The following TMEM232 variants were observed in gnomAD, a reference collection of about 807,000 sequenced individuals.
The protein encoded by TMEM232 is transmembrane protein 232.
In TMEM232, 80 loss-of-function variants were observed where a neutral mutation model predicts 78.8. That is an observed-to-expected ratio of 1.01 (90% CI 0.85 to 1.22). The LOEUF (loss-of-function observed/expected upper bound fraction) is 1.22. TMEM232 is among the 50% of genes most tolerant of loss of function. The pLI, the probability that TMEM232 is intolerant of heterozygous loss-of-function variation, is 0.00. For synonymous variants in TMEM232, 297 were observed against 254.3 expected (o/e 1.17, Z -1.60); for missense variants, 881 against 742.2 (o/e 1.19, Z -2.17).
At chr5:110,548,303 G>C (rs1055441464) in intron 11 of TMEM232, among the ~76,000 whole-genome samples, 1 of 149,610 alleles carries the variant, frequency 6.7e-6, no homozygotes, top group Admixed American at 6.7e-5. Context: ...ATGCTAAACA[G>C]AATTGCATAA....
At chr5:110,717,920 G>A (rs189336149) in intron 1 of TMEM232, among the ~76,000 whole-genome samples, 5 of 152,076 alleles carry the variant, frequency 3.3e-5, no homozygotes, top group Admixed American at 2.6e-4. Flanking sequence ...AAATTACCCA[G>A]TCTCAGGTAG....
At chr5:110,720,811 C>T (rs1293750252) in intron 1 of TMEM232, 1 of 151,992 alleles carries the variant, frequency 6.6e-6, no homozygotes, top group African/African-American at 2.4e-5. Context: ...ATTAATATAC[C>T]ACTCCACGTT....
chr5:110,456,001 T>C (rs1760857020), intron 12 of TMEM232, among the ~76,000 whole-genome samples: 1 of 152,234 alleles, frequency 6.6e-6, no homozygotes, highest in Admixed American at 6.5e-5. Context: ...TTCTACATAA[T>C]GATGAAAGCA....
intron 12 of TMEM232, among the ~76,000 whole-genome samples, chr5:110,495,648 G>C (rs759572988): frequency 6.6e-6 from 1 of 151,714 alleles, no homozygotes; most frequent in Non-Finnish European, 1.5e-5. Flanking sequence ...ACACATATTA[G>C]TATAACAATA....
chr5:110,615,731 A>C (rs1215981490), intron 8 of TMEM232, among the ~76,000 whole-genome samples: 1 of 151,860 alleles, frequency 6.6e-6, no homozygotes, highest in Non-Finnish European at 1.5e-5. Context: ...TATATAGAAA[A>C]CCCTAAAATG....
chr5:110,534,919 CA>C lies in TMEM232; in HGVS notation c.1456-6085del, dbSNP rs548254793. Among the ~76,000 whole-genome samples the C allele has an allele frequency of 9.1e-4, 138 of 152,206 alleles. 1 individual carries two copies. Among genetic ancestry groups the C allele is most frequent in the African/African-American group, 3.2e-3 (131 of 41,532 alleles). On this transcript the variant is annotated intron_variant, in intron 11 of 13. Transcript: ENST00000455884. ...TGACAAATATTTCTTCTAACAACCC[CA>C]CAATATCACCCCTTACCACAAAATC...
At chr5:110,650,255 C>A (rs950449695) in intron 2 of TMEM232, among the ~76,000 whole-genome samples, 1 of 151,944 alleles carries the variant, frequency 6.6e-6, no homozygotes, top group Non-Finnish European at 1.5e-5. Flanking sequence ...TTCCCTCTCT[C>A]CAATAGTATA....
intron 11 of TMEM232, among the ~76,000 whole-genome samples, chr5:110,545,415 T>C (rs1406385135): frequency 6.6e-6 from 1 of 152,048 alleles, no homozygotes; most frequent in Non-Finnish European, 1.5e-5. Flanking sequence ...TTTGTGTTTA[T>C]TATTTTGTTA....
intron 12 of TMEM232, among the ~76,000 whole-genome samples, chr5:110,459,341 G>A (rs1049734498): frequency 4.6e-5 from 7 of 151,994 alleles, no homozygotes; most frequent in Admixed American, 1.3e-4. Context: ...AATGTCAAAA[G>A]TCTCACAAAA....
At chr5:110,529,566 A>G (rs1434811695) in intron 11 of TMEM232, among the ~76,000 whole-genome samples, 1 of 152,142 alleles carries the variant, frequency 6.6e-6, no homozygotes, top group Non-Finnish European at 1.5e-5. Context: ...ATTTTTATAG[A>G]GCAAAAATTT....
chr5:110,482,189 A>G (rs967180749), intron 12 of TMEM232, among the ~76,000 whole-genome samples: 7 of 152,132 alleles, frequency 4.6e-5, no homozygotes, highest in African/African-American at 1.4e-4. Context: ...TAAAGCTCCA[A>G]TTAGAGACAT....
intron 12 of TMEM232, among the ~76,000 whole-genome samples, chr5:110,524,333 GAGAAAAAGAA>G (rs1770078016): frequency 8.7e-6 from 1 of 115,020 alleles, no homozygotes; most frequent in South Asian, 2.7e-4. Context: ...GGAAGGGAGA[GAGAAAAAGAA>G]AGAGAAAGAA....
chr5:110,571,065 A>G (rs1250191318), intron 10 of TMEM232, among the ~76,000 whole-genome samples: 3 of 152,034 alleles, frequency 2.0e-5, no homozygotes, highest in Non-Finnish European at 4.4e-5. Flanking sequence ...CCTGGCTTCT[A>G]TCGAGACTCC....
intron 8 of TMEM232, among the ~76,000 whole-genome samples, chr5:110,618,154 C>A (rs1315434215): frequency 1.3e-5 from 2 of 151,486 alleles, no homozygotes; most frequent in Non-Finnish European, 2.9e-5. Context: ...GCAATGCAGG[C>A]ATAAACTTTT....
At chr5:110,524,371 G>A (rs13328133) in intron 12 of TMEM232, among the ~76,000 whole-genome samples, 9 of 47,080 alleles carry the variant, frequency 1.9e-4, no homozygotes, top group African/African-American at 3.9e-4. Flanking sequence ...AAAAAAGAAA[G>A]AAAGAAAGAA....
chr5:110,677,449 G>C (rs1003490163), intron 1 of TMEM232, among the ~76,000 whole-genome samples: 1 of 152,076 alleles, frequency 6.6e-6, no homozygotes, highest in Non-Finnish European at 1.5e-5. Flanking sequence ...AAACCTCTAA[G>C]TTGTTGTAAT....
rs755651936 is a variant in TMEM232, at chr5:110,399,047, G to A, written n.309-1193C>T. Among the ~76,000 whole-genome samples, 51 of 151,900 alleles carry A rather than the reference G, an allele frequency of 3.4e-4. 1 individual carries two copies. The highest frequency in any genetic ancestry group is 5.7e-4 in the Non-Finnish European group (39 of 67,942). On this transcript the variant is annotated intron_variant and non_coding_transcript_variant, in intron 2 of 8. Transcript: ENST00000507188. ...TCCAAATATTCTGTGAGCCACTTAT[G>A]TACTTTTAATTAATCCCTTTCTGCG...
chr5:110,520,123 G>T (rs1769287213), intron 12 of TMEM232, among the ~76,000 whole-genome samples: 1 of 151,374 alleles, frequency 6.6e-6, no homozygotes, highest in African/African-American at 2.4e-5. Context: ...GGTAACTACA[G>T]TTAATAATTT....
At chr5:110,633,518 G>A (rs1017046623) in intron 5 of TMEM232, among the ~76,000 whole-genome samples, 1 of 152,044 alleles carries the variant, frequency 6.6e-6, no homozygotes, top group Non-Finnish European at 1.5e-5. Flanking sequence ...AGGGAGGGAG[G>A]TGACTGAATC....
Sources: gnomAD v4.1 joint callset for allele counts (sites outside exome capture counted in the v4.1 genomes callset) on GRCh38, gnomAD v4.1.1 for gene constraint, MANE v1.5 for transcripts, NCBI Gene and HGNC (gene_info 2026-07-23, HGNC 2026-07-21) for gene names.